The following RARS2 variants were observed in gnomAD, a reference collection of about 807,000 sequenced individuals.
The protein encoded by RARS2 is probable arginine--tRNA ligase, mitochondrial.
In RARS2, 67 loss-of-function variants were observed where a neutral mutation model predicts 88.5. The observed-to-expected ratio is 0.76, with a 90% CI of 0.62 to 0.93. The LOEUF is 0.93. Ranked by LOEUF, RARS2 falls within the 40% of genes least tolerant of loss-of-function variation. RARS2 has a pLI of 0.00. For synonymous variants in RARS2, 239 were observed against 230.3 expected (o/e 1.04, Z -0.34); for missense variants, 664 against 684.2 (o/e 0.97, Z 0.33).
At chr6:87,538,020 T>TTTAA (rs1395204005) in intron 8 of RARS2, among the ~76,000 whole-genome samples, 1 of 152,242 alleles carries the variant, frequency 6.6e-6, no homozygotes, top group Non-Finnish European at 1.5e-5. Context: ...CATCAACATT[T>TTTAA]GCTTAAAGCT....
intron 10 of RARS2, among the ~76,000 whole-genome samples, chr6:87,525,568 C>T (rs1361923400): frequency 3.5e-5 from 5 of 143,226 alleles, no homozygotes; most frequent in East Asian, 2.0e-4. Context: ...TTTTTTGAGA[C>T]GGAGTCTCAC....
chr6:87,552,362 C>CTA (rs1375051362), intron 5 of RARS2, among the ~76,000 whole-genome samples: 10 of 152,170 alleles, frequency 6.6e-5, no homozygotes, highest in African/African-American at 2.4e-4. Context: ...ACAGCAAGAA[C>CTA]TATAGCACCT....
At chr6:87,561,791 C>T (rs954607054) in intron 4 of RARS2, among the ~76,000 whole-genome samples, 2 of 152,180 alleles carry the variant, frequency 1.3e-5, no homozygotes, top group African/African-American at 4.8e-5. Context: ...GGCTGCAATA[C>T]GGAAGAATTC....
chr6:87,554,272 T>C (rs1350557862), intron 5 of RARS2, among the ~76,000 whole-genome samples: 1 of 152,170 alleles, frequency 6.6e-6, no homozygotes, highest in Non-Finnish European at 1.5e-5. Flanking sequence ...TATTAGTTCT[T>C]AGTGTTCCCT....
chr6:87,571,600 G>A (rs1405034326), intron 1 of RARS2, among the ~76,000 whole-genome samples: 1 of 152,060 alleles, frequency 6.6e-6, no homozygotes, highest in Non-Finnish European at 1.5e-5. Flanking sequence ...AAAAGAGAAG[G>A]GAATGATGGG....
At chr6:87,537,334 A>C (rs1272899181) in intron 8 of RARS2, among the ~76,000 whole-genome samples, 1 of 152,086 alleles carries the variant, frequency 6.6e-6, no homozygotes, top group Non-Finnish European at 1.5e-5. Context: ...AAGCCATTCT[A>C]TAGTGGGGGT....
intron 17 of RARS2, 49 bp from the exon 18 acceptor site, chr6:87,516,929 C>T (rs775744812): frequency 6.2e-7 from 1 of 1,608,208 alleles, no homozygotes; most frequent in South Asian, 1.1e-5. Context: ...ACACATTACA[C>T]TAAGACATTA....
intron 13 of RARS2, among the ~76,000 whole-genome samples, 200 bp from the exon 14 acceptor site, chr6:87,519,907 A>G (rs968740050): frequency 6.6e-6 from 1 of 152,220 alleles, no homozygotes; most frequent in African/African-American, 2.4e-5. Flanking sequence ...ATGTGATTAC[A>G]CTACTAGTTG....
chr6:87,575,225 G>GCAAACA (rs1771039142), intron 1 of RARS2, among the ~76,000 whole-genome samples: 1 of 114,562 alleles, frequency 8.7e-6, no homozygotes, highest in South Asian at 3.7e-4. Context: ...AAAATAGAAA[G>GCAAACA]CACACACACA....
chr6:87,575,831 T>C (rs1771304296), intron 1 of RARS2, among the ~76,000 whole-genome samples: 1 of 151,894 alleles, frequency 6.6e-6, no homozygotes, highest in East Asian at 1.9e-4. Flanking sequence ...TTTTTTTTTT[T>C]TTGAGATGGA....
At chr6:87,520,806 GTGC>G (rs1302124081) in intron 12 of RARS2, among the ~76,000 whole-genome samples, 5 of 152,162 alleles carry the variant, frequency 3.3e-5, no homozygotes, top group Admixed American at 1.3e-4. Flanking sequence ...TGACAAAATT[GTGC>G]TGAAGAACAG....
chr6:87,551,323 G>C (rs980387188), intron 5 of RARS2, among the ~76,000 whole-genome samples: 1 of 151,932 alleles, frequency 6.6e-6, no homozygotes, highest in Non-Finnish European at 1.5e-5. Context: ...TTGTTAAGAA[G>C]GGACAGATAA....
At chr6:87,563,129 A>T (rs1450474338) in intron 3 of RARS2, among the ~76,000 whole-genome samples, 1 of 152,192 alleles carries the variant, frequency 6.6e-6, no homozygotes, top group African/African-American at 2.4e-5. Context: ...CCTAGCTTTC[A>T]TGAGAGCCAC....
chr6:87,519,015 T>C, intron 14 of RARS2, 124 bp from the exon 15 acceptor site: 1 of 957,688 alleles, frequency 1.0e-6, no homozygotes, highest in Non-Finnish European at 1.7e-6. Flanking sequence ...AATGAGTAAT[T>C]ACTTGCCTAA....
chr6:87,522,787 T>C (rs866432176), intron 11 of RARS2, among the ~76,000 whole-genome samples: 165 of 152,302 alleles, frequency 1.1e-3, no homozygotes, highest in African/African-American at 3.7e-3. Flanking sequence ...CACTGCATAT[T>C]TTTTGTAGAG....
rs574871068 is a variant in RARS2, at chr6:87,525,731, G to GA, written c.879-1080dup. The stretch of plus-strand genomic sequence containing the variant: ...CCAGTTAATTTTTGTGTTTTTAGTA[G>GA]AGACAGGTTTTCACTATGTTGGCCA... On this transcript the variant is annotated intron_variant, in intron 10 of 19. Coordinates refer to ENST00000369536, the MANE Select transcript of RARS2 (RefSeq NM_020320.5). Among the ~76,000 whole-genome samples the GA allele has an allele frequency of 2.2e-4, 33 of 151,912 alleles. No homozygotes were observed. The South Asian group carries it at 7.0e-3, about 32-fold the overall frequency.
intron 1 of RARS2, among the ~76,000 whole-genome samples, chr6:87,570,449 C>A (rs771436247): frequency 2.6e-5 from 4 of 152,154 alleles, no homozygotes; most frequent in African/African-American, 9.7e-5. Flanking sequence ...GACAGAGTCT[C>A]GCTCTGTCAC....
At chr6:87,528,248 A>C (rs925865558) in intron 10 of RARS2, among the ~76,000 whole-genome samples, 12 of 151,680 alleles carry the variant, frequency 7.9e-5, no homozygotes, top group Admixed American at 1.3e-4. Context: ...ATAACAAAAA[A>C]AAAAAAAAAA....
At chr6:87,539,487 G>A (rs1487138770) in intron 8 of RARS2, among the ~76,000 whole-genome samples, 1 of 152,220 alleles carries the variant, frequency 6.6e-6, no homozygotes, top group Non-Finnish European at 1.5e-5. Context: ...CAAGCATTAG[G>A]TGACAGCCTG....
Sources: gnomAD v4.1 joint callset for allele counts (sites outside exome capture counted in the v4.1 genomes callset) on GRCh38, gnomAD v4.1.1 for gene constraint, MANE v1.5 for transcripts, NCBI Gene and HGNC (gene_info 2026-07-23, HGNC 2026-07-21) for gene names.